MRTFB: variants seen among roughly 807,000 people sequenced by gnomAD.
MRTFB encodes myocardin related transcription factor B.
MRTFB carries 29 observed loss-of-function variants against 104.2 expected under a neutral mutation model. The ratio of observed to expected loss-of-function variants is 0.28; its 90% CI spans 0.21 to 0.38. The LOEUF (loss-of-function observed/expected upper bound fraction) is 0.38, where lower values mean the gene tolerates loss of function less well. Ranked by LOEUF, MRTFB falls within the 10% of genes least tolerant of loss-of-function variation. The pLI, the probability that MRTFB is intolerant of heterozygous loss-of-function variation, is 1.00. For missense variants in MRTFB, 1,270 were observed against 1,341.6 expected (o/e 0.95, Z 0.83); for synonymous variants, 535 against 519.5 (o/e 1.03, Z -0.41).
chr16:14,200,885 G>T, intron 3 of MRTFB: 2 of 1,453,340 alleles, frequency 1.4e-6, no homozygotes, highest in Non-Finnish European at 1.9e-6. Flanking sequence ...TGTAAGGTGG[G>T]CAGCAGAAAG....
intron 2 of MRTFB, among the ~76,000 whole-genome samples, chr16:14,111,180 T>C (rs1485029087): frequency 2.0e-5 from 3 of 152,206 alleles, no homozygotes; most frequent in Admixed American, 6.5e-5. Flanking sequence ...GATAACTGAA[T>C]AAAGTTCTGC....
the MRTFB span, among the ~76,000 whole-genome samples, chr16:14,057,277 TTG>T: frequency 6.6e-6 from 1 of 151,910 alleles, no homozygotes; most frequent in Non-Finnish European, 1.5e-5. Context: ...AAAAAAAAAA[TTG>T]TGTGTGTGCC....
chr16:14,003,115 G>GT, the MRTFB span, among the ~76,000 whole-genome samples: 1 of 152,098 alleles, frequency 6.6e-6, no homozygotes, highest in Non-Finnish European at 1.5e-5. Context: ...TGAGGACGTA[G>GT]TTTTTTGTAG....
intron 2 of MRTFB, among the ~76,000 whole-genome samples, chr16:14,119,217 A>G (rs1009442576): frequency 8.5e-5 from 13 of 152,246 alleles, no homozygotes; most frequent in Admixed American, 7.8e-4. Flanking sequence ...AGAAAAAGAA[A>G]GGTGCCATAC....
chr16:14,062,651 G>A, the MRTFB span, among the ~76,000 whole-genome samples: 1 of 152,164 alleles, frequency 6.6e-6, no homozygotes, highest in Admixed American at 6.5e-5. Flanking sequence ...AACGCGAGCT[G>A]GTTTAAGCAG....
At chr16:14,024,055 A>G in the MRTFB span, among the ~76,000 whole-genome samples, 1 of 152,090 alleles carries the variant, frequency 6.6e-6, no homozygotes, top group Non-Finnish European at 1.5e-5. Context: ...CATCTCAAAA[A>G]AAAAAAAGAA....
intron 2 of MRTFB, among the ~76,000 whole-genome samples, chr16:14,107,544 A>G (rs541807459): frequency 1.3e-5 from 2 of 152,336 alleles, no homozygotes; most frequent in Admixed American, 6.5e-5. Context: ...TGGTGAGCAC[A>G]GTTGGGGAAG....
the MRTFB span, among the ~76,000 whole-genome samples, chr16:13,997,470 C>A: frequency 6.6e-6 from 1 of 152,114 alleles, no homozygotes; most frequent in Non-Finnish European, 1.5e-5. Flanking sequence ...AGAAATTGCC[C>A]TGCCCTGAAA....
the MRTFB span, among the ~76,000 whole-genome samples, chr16:14,052,739 C>CAAA: frequency 1.3e-4 from 10 of 74,792 alleles, no homozygotes; most frequent in Admixed American, 3.0e-4. Flanking sequence ...AACTCCATCT[C>CAAA]AAAAAAAAAA....
intron 3 of MRTFB, among the ~76,000 whole-genome samples, chr16:14,160,494 G>A (rs932468575): frequency 2.6e-5 from 4 of 152,098 alleles, no homozygotes; most frequent in Non-Finnish European, 4.4e-5. Flanking sequence ...TTATGTAAAT[G>A]TACTATTTCC....
At chr16:14,093,985 T>G (rs1251772163) in intron 2 of MRTFB, among the ~76,000 whole-genome samples, 1 of 152,248 alleles carries the variant, frequency 6.6e-6, no homozygotes. Flanking sequence ...TAAGAAGTAG[T>G]CAGCTTTGTT....
intron 5 of MRTFB, among the ~76,000 whole-genome samples, chr16:14,213,294 A>G (rs967096838): frequency 1.3e-5 from 2 of 152,188 alleles, no homozygotes; most frequent in African/African-American, 4.8e-5. Flanking sequence ...CGACCTTTCG[A>G]TGTTCATAAG....
chr16:14,256,217 G>T (rs2043486580), intron 15 of MRTFB, among the ~76,000 whole-genome samples: 1 of 128,706 alleles, frequency 7.8e-6, no homozygotes, highest in Admixed American at 7.4e-5. Context: ...AACCCCAGAT[G>T]GGATGAATAG....
rs750169650 is a variant in MRTFB, at chr16:14,245,564, A to C, written c.1116A>C (p.Ser372=). The C allele has an allele frequency of 5.6e-6, 9 of 1,613,392 alleles. No individual in the cohort carries two copies. The highest frequency in any genetic ancestry group is 7.6e-6 in the Non-Finnish European group (9 of 1,179,742). Residue 372 remains serine (S), a synonymous_variant, in exon 11 of 17, where the codon TCA becomes TCC. Transcript: ENST00000571589. ...ACAAAAATAGTAACAGTGGGAATTC[A>C]GCTTTGAACAATGCCACACCTAACA... ...LNDKNSNSGN[S]ALNNATPNTP...
chr16:14,228,610 G>C (rs1056251696), intron 8 of MRTFB, among the ~76,000 whole-genome samples: 1 of 151,884 alleles, frequency 6.6e-6, no homozygotes, highest in African/African-American at 2.4e-5. Flanking sequence ...AGTTAGATCA[G>C]ATATTTGTAT....
intron 8 of MRTFB, among the ~76,000 whole-genome samples, chr16:14,228,596 CAG>C (rs1479704412): frequency 6.6e-6 from 1 of 150,766 alleles, no homozygotes; most frequent in East Asian, 1.9e-4. Context: ...AAATAGAAAA[CAG>C]AAGTTAGATC....
Position 14,177,905 on chromosome 16 carries a change from T to G in MRTFB, c.155-32338T>G, listed in dbSNP as rs1174132343. Reference sequence around the variant, plus strand: ...AGAAGTACATGAACCAGAGGTAGGGTGTGTGTGTGTGTGTGTGTGTGTGTG... The same window carrying G: ...AGAAGTACATGAACCAGAGGTAGGGGGTGTGTGTGTGTGTGTGTGTGTGTG... On this transcript the variant is annotated intron_variant, in intron 3 of 16. Coordinates refer to ENST00000571589, the MANE Select transcript of MRTFB (RefSeq NM_001308142.2). This position sits in a 1 kb window ranked among gnomAD's most constrained non-coding sequence, Gnocchi z 4.7. Among the ~76,000 whole-genome samples, 13 of 116,116 alleles carry G rather than the reference T, an allele frequency of 1.1e-4. No individual in the cohort carries two copies. The highest frequency in any genetic ancestry group is 6.3e-4 in the African/African-American group (11 of 17,426). 76.2% of individuals were successfully genotyped at this position (116,116 alleles called of 152,430 possible). A position where few individuals can be genotyped will look rare whatever the true frequency, so the allele number is the denominator to read the frequency against.
At chr16:14,028,688 A>C in the MRTFB span, among the ~76,000 whole-genome samples, 2 of 152,182 alleles carry the variant, frequency 1.3e-5, no homozygotes, top group Non-Finnish European at 2.9e-5. Context: ...CCCAACCGCA[A>C]CTTCCTAGTT....
At chr16:14,069,325 G>A (rs932314612), upstream of MRTFB, among the ~76,000 whole-genome samples, 7 of 150,304 alleles carry the variant, frequency 4.7e-5, no homozygotes, top group African/African-American at 1.5e-4. Context: ...CAAGTTCTCA[G>A]GCCTGTAGCC....
Sources: allele counts gnomAD v4.1 joint callset (sites outside exome capture counted in the v4.1 genomes callset), GRCh38; gene constraint gnomAD v4.1.1; non-coding constraint Gnocchi (gnomAD v3.1); transcripts MANE v1.5; gene names NCBI Gene and HGNC (gene_info 2026-07-23, HGNC 2026-07-21).